Variants in CTNNA3 observed in about 807,000 individuals in gnomAD.
The protein encoded by CTNNA3 is catenin alpha 3, also known as catenin alpha-3.
CTNNA3 carries 76 observed loss-of-function variants against 95.7 expected under a neutral mutation model. That is an observed-to-expected ratio of 0.79 (90% CI 0.66 to 0.96). CTNNA3 has a LOEUF of 0.96. Ranked by LOEUF, CTNNA3 falls within the 40% of genes least tolerant of loss-of-function variation. The pLI is 0.00. For missense variants in CTNNA3, 1,191 were observed against 1,089.8 expected (o/e 1.09, Z -1.31); for synonymous variants, 431 against 374.4 (o/e 1.15, Z -1.74).
intron 11 of CTNNA3, among the ~76,000 whole-genome samples, chr10:66,436,388 T>C (rs1269245064): frequency 1.3e-5 from 2 of 152,148 alleles, no homozygotes; most frequent in African/African-American, 4.8e-5. Context: ...TTTAAGATAT[T>C]TAACTCTTCT....
At chr10:66,303,208 C>T (rs1422584857) in intron 12 of CTNNA3, among the ~76,000 whole-genome samples, 1 of 151,676 alleles carries the variant, frequency 6.6e-6, no homozygotes, top group Non-Finnish European at 1.5e-5. Flanking sequence ...GTAACCAGCA[C>T]ATTAATTAAA....
chr10:67,075,659 T>C (rs1358387907), intron 7 of CTNNA3, among the ~76,000 whole-genome samples: 1 of 152,224 alleles, frequency 6.6e-6, no homozygotes, highest in Non-Finnish European at 1.5e-5. Context: ...TATGACATTC[T>C]GAAGTTTGGC....
chr10:67,376,049 G>A (rs1372296946), intron 5 of CTNNA3, among the ~76,000 whole-genome samples: 2 of 152,142 alleles, frequency 1.3e-5, no homozygotes, highest in Admixed American at 6.5e-5. Flanking sequence ...GCCCTCACCA[G>A]CTGCCAAATA....
intron 10 of CTNNA3, among the ~76,000 whole-genome samples, chr10:66,548,529 A>G (rs914414399): frequency 3.3e-5 from 5 of 152,114 alleles, no homozygotes; most frequent in African/African-American, 1.2e-4. Context: ...AAAGCTTTCA[A>G]GTATCATTAT....
chr10:66,810,666 C>T (rs1318591389), intron 7 of CTNNA3, among the ~76,000 whole-genome samples: 1 of 152,068 alleles, frequency 6.6e-6, no homozygotes, highest in East Asian at 1.9e-4. Flanking sequence ...TCAATGTTTT[C>T]TCATAAGTAA....
chr10:66,567,300 C>T (rs983040676), intron 10 of CTNNA3, among the ~76,000 whole-genome samples: 3 of 151,998 alleles, frequency 2.0e-5, no homozygotes, highest in African/African-American at 7.3e-5. Context: ...TCTCCAGAAA[C>T]TAAGAGCTCC....
intron 10 of CTNNA3, among the ~76,000 whole-genome samples, chr10:66,621,087 C>T (rs1366923165): frequency 6.6e-6 from 1 of 151,932 alleles, no homozygotes; most frequent in Non-Finnish European, 1.5e-5. Flanking sequence ...TCTGAATTAC[C>T]GACAAGAAAA....
chr10:67,372,361 G>T (rs1843504696), intron 5 of CTNNA3, among the ~76,000 whole-genome samples: 1 of 152,084 alleles, frequency 6.6e-6, no homozygotes, highest in South Asian at 2.1e-4. Context: ...ATGGTTTTAG[G>T]TCTAACATTT....
At chr10:66,504,146 T>C (rs183125486) in intron 11 of CTNNA3, among the ~76,000 whole-genome samples, 35 of 152,272 alleles carry the variant, frequency 2.3e-4, no homozygotes, top group African/African-American at 8.2e-4. Flanking sequence ...ATAGATCTCT[T>C]GAACTTATTC....
chr10:67,466,494 G>A (rs1847600108), intron 5 of CTNNA3, among the ~76,000 whole-genome samples: 1 of 152,090 alleles, frequency 6.6e-6, no homozygotes, highest in African/African-American at 2.4e-5. Context: ...ATTGCTTTTA[G>A]GATAATCAGA....
chr10:66,045,670 A>T (rs2079814586), intron 15 of CTNNA3, among the ~76,000 whole-genome samples: 2 of 152,184 alleles, frequency 1.3e-5, no homozygotes, highest in Admixed American at 1.3e-4. Flanking sequence ...AGCAGATAAG[A>T]ATATTGTGGT....
At chr10:66,309,496 T>A (rs1386219995) in intron 12 of CTNNA3, among the ~76,000 whole-genome samples, 1 of 143,038 alleles carries the variant, frequency 7.0e-6, no homozygotes, top group Non-Finnish European at 1.5e-5. Flanking sequence ...ATCGAGACCA[T>A]CCTGGCTAAC....
At position 66,246,099 on chromosome 10, in the gene CTNNA3, C is replaced by G. The variant is rs557814532; in HGVS notation, c.1884+34371G>C. ...TCACCAGGGATGTACCCCCTTCCAC[C>G]CAGCAATCTGTCCACCTCCTGCTGT... On this transcript the variant is annotated intron_variant, in intron 13 of 17. Coordinates refer to ENST00000433211, the MANE Select transcript of CTNNA3 (RefSeq NM_013266.4). 2.0e-5 allele frequency among the ~76,000 whole-genome samples: 3 copies of G among 152,330 alleles called. No homozygotes were observed. In the South Asian group the frequency reaches 6.2e-4, roughly 32 times the overall value.
intron 17 of CTNNA3, among the ~76,000 whole-genome samples, chr10:65,928,622 T>C (rs1254827935): frequency 2.0e-5 from 3 of 152,206 alleles, no homozygotes; most frequent in African/African-American, 7.2e-5. Flanking sequence ...AGAAACCACA[T>C]GCAAAATACT....
At chr10:66,391,728 C>A (rs570534938) in intron 11 of CTNNA3, among the ~76,000 whole-genome samples, 1 of 152,140 alleles carries the variant, frequency 6.6e-6, no homozygotes, top group African/African-American at 2.4e-5. Flanking sequence ...TTTTATTGAA[C>A]CATTCTTTAT....
At chr10:66,427,715 C>T (rs557803049) in intron 11 of CTNNA3, among the ~76,000 whole-genome samples, 14 of 152,042 alleles carry the variant, frequency 9.2e-5, no homozygotes, top group Non-Finnish European at 2.1e-4. Flanking sequence ...GAGATTTTGT[C>T]ACCACCAGAC....
At chr10:67,580,966 A>G (rs1316199835) in intron 3 of CTNNA3, among the ~76,000 whole-genome samples, 14 of 150,020 alleles carry the variant, frequency 9.3e-5, no homozygotes, top group East Asian at 1.9e-4. Flanking sequence ...GGGCTGAGAC[A>G]ATGGGGTTTT....
At chr10:66,652,643 G>A (rs1056241957) in intron 9 of CTNNA3, among the ~76,000 whole-genome samples, 2 of 152,048 alleles carry the variant, frequency 1.3e-5, no homozygotes, top group Non-Finnish European at 2.9e-5. Context: ...ATTTCATGAG[G>A]TTAGCATTAC....
chr10:66,543,494 A>G (rs964174270), intron 10 of CTNNA3, among the ~76,000 whole-genome samples: 7 of 152,190 alleles, frequency 4.6e-5, no homozygotes, highest in African/African-American at 1.7e-4. Context: ...GAAGAAAAAA[A>G]TAAATTAAAA....
Sources: allele counts gnomAD v4.1 joint callset (sites outside exome capture counted in the v4.1 genomes callset), GRCh38; gene constraint gnomAD v4.1.1; transcripts MANE v1.5; gene names NCBI Gene and HGNC (gene_info 2026-07-23, HGNC 2026-07-21).